NAV3: variants seen among roughly 807,000 people sequenced by gnomAD.
NAV3 encodes neuron navigator 3, also known as pore membrane and/or filament interacting like protein 1.
A neutral mutation model predicts 244.7 loss-of-function variants in NAV3; 87 were observed. That is an observed-to-expected ratio of 0.36 (90% CI 0.30 to 0.42). The LOEUF is 0.42. NAV3 is among the 20% of genes least tolerant of loss of function. The pLI is 1.00. For missense variants in NAV3, 2,663 were observed against 2,893.3 expected (o/e 0.92, Z 1.83); for synonymous variants, 1,126 against 1,042.2 (o/e 1.08, Z -1.55).
chr12:78,113,759 C>T (rs1190846635), intron 12 of NAV3, among the ~76,000 whole-genome samples: 1 of 152,180 alleles, frequency 6.6e-6, no homozygotes, highest in Admixed American at 6.5e-5. Context: ...TAAGATTTGG[C>T]TCATAGTTAC....
chr12:77,638,759 A>T (rs1872266794), intron 2 of NAV3, among the ~76,000 whole-genome samples: 1 of 152,216 alleles, frequency 6.6e-6, no homozygotes, highest in African/African-American at 2.4e-5. Context: ...TCATCACCAT[A>T]GTGATACTGC....
intron 2 of NAV3, among the ~76,000 whole-genome samples, chr12:77,654,358 C>T (rs913941174): frequency 3.3e-5 from 5 of 152,196 alleles, no homozygotes; most frequent in East Asian, 1.9e-4. Context: ...ATTGCTAGTA[C>T]AGCAGTCTGA....
chr12:77,712,112 G>T (rs1876147118), intron 2 of NAV3, among the ~76,000 whole-genome samples: 1 of 152,124 alleles, frequency 6.6e-6, no homozygotes, highest in Admixed American at 6.6e-5. Flanking sequence ...TGTTTTGTAT[G>T]ATTTTTCATT....
At chr12:77,691,989 A>T (rs1237765721) in intron 2 of NAV3, among the ~76,000 whole-genome samples, 2 of 151,978 alleles carry the variant, frequency 1.3e-5, no homozygotes, top group Admixed American at 1.3e-4. Context: ...TTTTAACCCT[A>T]TGGCATCACC....
intron 9 of NAV3, chr12:78,036,699 G>T (rs1212993471): frequency 7.5e-6 from 4 of 532,788 alleles, no homozygotes; most frequent in Non-Finnish European, 1.3e-5. Flanking sequence ...CTAAATTGGG[G>T]GCAAATAATT....
At chr12:78,146,900 G>A (rs776513850) in intron 21 of NAV3, among the ~76,000 whole-genome samples, 52 of 151,948 alleles carry the variant, frequency 3.4e-4, no homozygotes, top group Non-Finnish European at 3.4e-4. Flanking sequence ...TACATATTTG[G>A]TTGCACTCGT....
At chr12:77,807,528 T>A (rs974941031) in intron 2 of NAV3, among the ~76,000 whole-genome samples, 1 of 152,208 alleles carries the variant, frequency 6.6e-6, no homozygotes, top group Non-Finnish European at 1.5e-5. Flanking sequence ...GCTTGAAGGG[T>A]TTCTGCCGAG....
chr12:77,989,567 G>A (rs1871112761), intron 5 of NAV3, among the ~76,000 whole-genome samples: 1 of 152,150 alleles, frequency 6.6e-6, no homozygotes, highest in Non-Finnish European at 1.5e-5. Context: ...CAACAGGCCA[G>A]TGACTTTTGA....
intron 9 of NAV3, among the ~76,000 whole-genome samples, chr12:78,022,369 A>G (rs1046500538): frequency 6.6e-6 from 1 of 152,154 alleles, no homozygotes; most frequent in Non-Finnish European, 1.5e-5. Context: ...ATCAAATGGG[A>G]TGCTCAGCTT....
At chr12:78,155,076 G>C (rs575702903) in intron 22 of NAV3, among the ~76,000 whole-genome samples, 33 of 151,992 alleles carry the variant, frequency 2.2e-4, no homozygotes, top group African/African-American at 7.0e-4. Context: ...TTTGTTACAT[G>C]GGTCAACATA....
intron 5 of NAV3, among the ~76,000 whole-genome samples, chr12:77,977,258 G>C (rs1416370866): frequency 6.6e-6 from 1 of 152,048 alleles, no homozygotes; most frequent in Non-Finnish European, 1.5e-5. Flanking sequence ...CTGTACAAAA[G>C]AGAATGAGAG....
chr12:78,121,858 C>A (rs2138673682), intron 15 of NAV3, 82 bp from the exon 16 acceptor site: 2 of 1,538,830 alleles, frequency 1.3e-6, no homozygotes, highest in African/African-American at 1.4e-5. Context: ...GCACACTTGG[C>A]TCTGTGTACT....
chr12:78,170,224 C>T (rs775639628), intron 24 of NAV3, among the ~76,000 whole-genome samples: 1 of 151,696 alleles, frequency 6.6e-6, no homozygotes, highest in African/African-American at 2.4e-5. Flanking sequence ...CTGTCTCAGA[C>T]CTGCTGCTCC....
chr12:77,957,920 C>T (rs1433387681), intron 3 of NAV3, among the ~76,000 whole-genome samples: 1 of 152,148 alleles, frequency 6.6e-6, no homozygotes, highest in Admixed American at 6.5e-5. Context: ...CCCGCCTTGG[C>T]CTCCCTAAGT....
At position 78,119,867 on chromosome 12, in the gene NAV3, C is replaced by T. The variant is rs773364774; in HGVS notation, c.3671C>T (p.Ser1224Phe). The T allele has an allele frequency of 1.2e-6, 2 of 1,614,212 alleles. No homozygotes were observed. Among genetic ancestry groups the T allele is most frequent in the South Asian group, 2.2e-5 (2 of 91,088 alleles). Reference protein sequence around the residue: ...LSGSPKSSPTSASACGAQGLR... With the variant: ...LSGSPKSSPTFASACGAQGLR... ...GGTTCCCCCAAATCCAGCCCCACCT[C>T]TGCCAGCGCCTGTGGTGCACAAGGT... The change falls in exon 15 of 40, where the codon TCT (serine) becomes TTT (phenylalanine). Residue 1224 changes from serine to phenylalanine, a missense_variant. This residue lies in a region of NAV3 where 1,521 missense variants were observed against 1,497.0 expected (regional missense o/e 1.02). Transcript: ENST00000397909.
At chr12:77,986,243 T>G (rs2136308944) in intron 5 of NAV3, among the ~76,000 whole-genome samples, 1 of 152,148 alleles carries the variant, frequency 6.6e-6, no homozygotes, top group South Asian at 2.1e-4. Context: ...GCACCCGTAA[T>G]CTAAGCTACT....
intron 2 of NAV3, among the ~76,000 whole-genome samples, chr12:77,669,336 T>G (rs1186024258): frequency 6.6e-6 from 1 of 152,108 alleles, no homozygotes; most frequent in Non-Finnish European, 1.5e-5. Flanking sequence ...ATGAATAGAA[T>G]AGTACCTCAC....
chr12:77,579,286 T>C (rs1869237538), intron 2 of NAV3, among the ~76,000 whole-genome samples: 1 of 152,224 alleles, frequency 6.6e-6, no homozygotes, highest in African/African-American at 2.4e-5. Flanking sequence ...GGGAACCCTG[T>C]TAGTTGAGCT....
intron 1 of NAV3, among the ~76,000 whole-genome samples, chr12:77,893,090 C>T (rs1050897387): frequency 1.3e-5 from 2 of 152,038 alleles, no homozygotes; most frequent in Non-Finnish European, 2.9e-5. Flanking sequence ...ATAAGAATTT[C>T]CTCTATCTCT....
Sources: allele counts gnomAD v4.1 joint callset (sites outside exome capture counted in the v4.1 genomes callset), GRCh38; gene constraint gnomAD v4.1.1; regional missense constraint gnomAD v4.1.1; transcripts MANE v1.5; gene names NCBI Gene and HGNC (gene_info 2026-07-23, HGNC 2026-07-21).